The following MTBP variants were observed in gnomAD, a reference collection of about 807,000 sequenced individuals.
MTBP encodes MDM2 binding protein.
MTBP carries 101 observed loss-of-function variants against 117.0 expected under a neutral mutation model. That is an observed-to-expected ratio of 0.86 (90% confidence interval 0.73 to 1.02). The LOEUF (loss-of-function observed/expected upper bound fraction) is 1.02. Among genes scored for constraint, MTBP ranks in the 50% least tolerant of loss-of-function variants. MTBP has a pLI of 0.00. For missense variants in MTBP, 970 were observed against 1,030.9 expected, an observed-to-expected ratio of 0.94 and a Z score of 0.81; for synonymous variants, 350 against 351.5, an observed-to-expected ratio of 1.00 and a Z score of 0.05.
chr8:120,491,270 A>G (rs1814340457), intron 13 of MTBP, among the ~76,000 whole-genome samples: 1 of 152,142 alleles, frequency 6.6e-6, no homozygotes, highest in Admixed American at 6.6e-5. Context: ...TATATTACAT[A>G]TATTATAAAA....
intron 8 of MTBP, among the ~76,000 whole-genome samples, 156 bp from the exon 9 acceptor site, chr8:120,461,005 A>G (rs939102235): frequency 6.6e-6 from 1 of 152,182 alleles, no homozygotes; most frequent in African/African-American, 2.4e-5. Flanking sequence ...AATTGAAGAA[A>G]TTCTGGTCTG....
intron 2 of MTBP, 123 bp from the exon 3 acceptor site, chr8:120,450,880 A>G (rs796279440): frequency 3.2e-6 from 2 of 617,796 alleles, no homozygotes; most frequent in African/African-American, 3.7e-5. Context: ...AGATCCACAT[A>G]TGTATGTTGG....
intron 9 of MTBP, among the ~76,000 whole-genome samples, chr8:120,462,890 G>T (rs935388996): frequency 1.3e-5 from 2 of 152,076 alleles, no homozygotes; most frequent in Non-Finnish European, 2.9e-5. Flanking sequence ...CTTGCAAAAA[G>T]TTGCTGCATT....
At position 120,522,657 on chromosome 8, in the gene MTBP, C is replaced by T; in HGVS notation, c.2614C>T (p.Leu872Phe). ...TGCTGTATTTTATTATGTTTAGGAT[C>T]TTAAAACTTCAAGGGGTCTATTTGA... Reference protein sequence around the residue: ...FEISKFYLKDLKTSRGLFEEM... With the variant: ...FEISKFYLKDFKTSRGLFEEM... The change falls in exon 21 of 22, where the codon CTT becomes TTT. Residue 872 changes from leucine (L) to phenylalanine (F), a missense_variant. Physicochemically the swap from Leu to Phe is conservative, Grantham distance 22 (BLOSUM62 0). Coordinates refer to ENST00000305949, the MANE Select transcript of MTBP (RefSeq NM_022045.5). 6.3e-7 allele frequency: 1 copy of T among 1,594,922 alleles called. No homozygotes were observed. Among genetic ancestry groups the T allele is most frequent in the East Asian group, 2.2e-5 (1 of 44,556 alleles).
chr8:120,499,415 A>G (rs1335830951), intron 14 of MTBP, among the ~76,000 whole-genome samples: 1 of 152,036 alleles, frequency 6.6e-6, no homozygotes, highest in Admixed American at 6.6e-5. Flanking sequence ...TTATTGGATC[A>G]CATTTTAAGA....
chr8:120,470,991 A>G (rs1167015761), intron 11 of MTBP, 54 bp downstream of exon 11: 3 of 1,206,088 alleles, frequency 2.5e-6, no homozygotes, highest in Non-Finnish European at 3.6e-6. Context: ...TAATGTATGT[A>G]TCAAATTTGA....
At position 120,455,473 on chromosome 8, in the gene MTBP, A is replaced by G; in HGVS notation, c.523A>G (p.Lys175Glu). 6.2e-7 allele frequency: 1 copy of G among 1,609,242 alleles called. No homozygotes were observed. The highest frequency in any genetic ancestry group is 8.5e-7 in the Non-Finnish European group (1 of 1,176,818). The change falls in exon 6 of 22, where the codon AAA (lysine) becomes GAA (glutamate). Residue 175 changes from lysine (K) to glutamate (E), a missense_variant. Lys to Glu is a moderately conservative substitution (Grantham distance 56). Coordinates refer to ENST00000305949, the MANE Select transcript of MTBP (RefSeq NM_022045.5). The part of the protein sequence containing the change: ...MVDIILLLSD[K>E]DPPKLKDYLP... ...AGATATAATACTGTTGCTTTCTGAC[A>G]AAGATCCTCCTAAATTGAAAGACTA...
intron 17 of MTBP, among the ~76,000 whole-genome samples, chr8:120,510,376 G>T (rs775347553): frequency 2.6e-5 from 4 of 151,896 alleles, no homozygotes; most frequent in Non-Finnish European, 5.9e-5. Context: ...GTTAGATAGG[G>T]CCCAGCATTT....
At chr8:120,519,643 C>CA (rs1176268738) in intron 20 of MTBP, among the ~76,000 whole-genome samples, 1 of 151,958 alleles carries the variant, frequency 6.6e-6, no homozygotes, top group Non-Finnish European at 1.5e-5. Context: ...TGAACAATAA[C>CA]AAAAAAGCAC....
At chr8:120,496,878 C>T (rs1814476277) in intron 13 of MTBP, among the ~76,000 whole-genome samples, 2 of 152,156 alleles carry the variant, frequency 1.3e-5, no homozygotes, top group African/African-American at 2.4e-5. Flanking sequence ...CTACAGGCAT[C>T]CAAGGTGGCT....
intron 20 of MTBP, among the ~76,000 whole-genome samples, chr8:120,519,400 C>G (rs1814977232): frequency 6.6e-6 from 1 of 152,020 alleles, no homozygotes; most frequent in Admixed American, 6.6e-5. Context: ...GACTAAATAT[C>G]AAAACACCTA....
At chr8:120,453,983 T>C in intron 5 of MTBP, 78 bp downstream of exon 5, 1 of 835,984 alleles carries the variant, frequency 1.2e-6, no homozygotes. Flanking sequence ...ATTTGTTCTT[T>C]ATGTTAGTGT....
intron 16 of MTBP, among the ~76,000 whole-genome samples, chr8:120,509,645 A>C (rs1814759686): frequency 6.6e-6 from 1 of 152,132 alleles, no homozygotes; most frequent in African/African-American, 2.4e-5. Context: ...TGCCTCTTGA[A>C]TTTCCATTAT....
chr8:120,506,248 G>A (rs1414577014), intron 15 of MTBP, among the ~76,000 whole-genome samples: 1 of 151,944 alleles, frequency 6.6e-6, no homozygotes, highest in Non-Finnish European at 1.5e-5. Context: ...CTCATTTCAC[G>A]GTTGTGCTTC....
At chr8:120,509,117 C>A (rs1814749376) in intron 16 of MTBP, among the ~76,000 whole-genome samples, 1 of 152,150 alleles carries the variant, frequency 6.6e-6, no homozygotes, top group Non-Finnish European at 1.5e-5. Context: ...AAGTTGCTGA[C>A]TCTTAAAGTA....
At chr8:120,474,416 G>A (rs1235305320) in intron 11 of MTBP, among the ~76,000 whole-genome samples, 1 of 151,914 alleles carries the variant, frequency 6.6e-6, no homozygotes, top group Non-Finnish European at 1.5e-5. Context: ...TTTAGTTAAT[G>A]TAAAAGCTTC....
Position 120,516,002 on chromosome 8 carries a change from A to G in MTBP, c.2057A>G (p.Glu686Gly), listed in dbSNP as rs1814910622. The change falls in exon 18 of 22, where the codon GAA (glutamate) becomes GGA (glycine). Residue 686 changes from glutamate to glycine, a missense_variant. Glu to Gly is a moderately conservative substitution (Grantham distance 98). Transcript: ENST00000305949. ...CTTCAGTCTCGTCTTATTCGTTATG[A>G]AACTCAAACTACCTGCACCAGAGAA... ...SELQSRLIRY[E>G]TQTTCTRESF... 1 of 1,613,112 alleles carries G rather than the reference A, an allele frequency of 6.2e-7. No homozygotes were observed. The highest frequency in any genetic ancestry group is 1.3e-5 in the African/African-American group (1 of 74,992).
At chr8:120,472,055 A>G in intron 11 of MTBP, 1 of 152,078 alleles carries the variant, frequency 6.6e-6, no homozygotes, top group African/African-American at 2.4e-5. Context: ...AAAATTGTTT[A>G]CTTTTTTTTT....
intron 10 of MTBP, among the ~76,000 whole-genome samples, chr8:120,466,125 G>A (rs1813684794): frequency 6.6e-6 from 1 of 151,266 alleles, no homozygotes; most frequent in African/African-American, 2.4e-5. Flanking sequence ...TATTTTTGAA[G>A]CCATATATTA....
Sources: allele counts gnomAD v4.1 joint callset (sites outside exome capture counted in the v4.1 genomes callset), GRCh38; gene constraint gnomAD v4.1.1; transcripts MANE v1.5; gene names NCBI Gene and HGNC (gene_info 2026-07-23, HGNC 2026-07-21).